Variants in DOCK7 observed in about 807,000 individuals in gnomAD.
DOCK7 encodes dedicator of cytokinesis 7.
Under a neutral mutation model 271.0 loss-of-function variants are expected in DOCK7, and 138 were observed. The ratio of observed to expected loss-of-function variants is 0.51; its 90% CI spans 0.44 to 0.59. The LOEUF is 0.59. Among genes scored for constraint, DOCK7 ranks in the 20% least tolerant of loss-of-function variants. The pLI is 0.00. For missense variants in DOCK7, 2,066 were observed against 2,592.4 expected (o/e 0.80, Z 4.41); for synonymous variants, 823 against 876.1 (o/e 0.94, Z 1.07).
intron 1 of DOCK7, among the ~76,000 whole-genome samples, chr1:62,679,228 T>G (rs1660850903): frequency 6.6e-6 from 1 of 152,018 alleles, no homozygotes; most frequent in South Asian, 2.1e-4. Context: ...CTCAGGGTAA[T>G]AAAATATTTC....
At chr1:62,682,214 G>A (rs1661250702) in intron 1 of DOCK7, among the ~76,000 whole-genome samples, 1 of 152,296 alleles carries the variant, frequency 6.6e-6, no homozygotes, top group African/African-American at 2.4e-5. Context: ...CAAGGGTTTG[G>A]CTTTAACACT....
At chr1:62,519,946 CCA>C (rs921055148) in intron 31 of DOCK7, among the ~76,000 whole-genome samples, 29 of 152,208 alleles carry the variant, frequency 1.9e-4, no homozygotes, top group African/African-American at 6.5e-4. Context: ...AGAAATAACA[CCA>C]CACATCTACA....
chr1:62,553,313 TATATATA>T lies in DOCK7; in HGVS notation c.2597-419_2597-413del, dbSNP rs1449540372. Among the ~76,000 whole-genome samples, 3 of 50,666 alleles carry T rather than the reference TATATATA, an allele frequency of 5.9e-5. No homozygotes were observed. In the Admixed American group the frequency reaches 8.6e-4, roughly 14 times the overall value. 33.2% of individuals were successfully genotyped at this position (50,666 alleles called of 152,430 possible). On this transcript the variant is annotated intron_variant, in intron 21 of 49. Transcript: ENST00000635253. Reference sequence around the variant, plus strand: ...AGGGTCTTCTAAATAAAAAGTATTTTATATATATATATATATATATATATATATATAT... The same window carrying T: ...AGGGTCTTCTAAATAAAAAGTATTTTTATATATATATATATATATATATAT...
At position 62,634,902 on chromosome 1, in the gene DOCK7, A is replaced by T; in HGVS notation, c.906T>A (p.Phe302Leu). The T allele has an allele frequency of 6.2e-7, 1 of 1,601,686 alleles. No homozygotes were observed. Among genetic ancestry groups the T allele is most frequent in the Non-Finnish European group, 8.5e-7 (1 of 1,173,646 alleles). ...EKKKISENFYFDLNSEQMKGL... is the reference protein window; with the variant it reads ...EKKKISENFYLDLNSEQMKGL... Reference sequence around the variant, plus strand: ...CTTTCATCTGCTCAGAATTAAGGTCAAAATAAAAGTTTTCTGAAATCTAAA... The same window carrying T: ...CTTTCATCTGCTCAGAATTAAGGTCTAAATAAAAGTTTTCTGAAATCTAAA... The change falls in exon 9 of 50, where the codon TTT (phenylalanine) becomes TTA (leucine). Residue 302 changes from phenylalanine (F) to leucine (L), a missense_variant. This residue lies in a region of DOCK7 where 1,414 missense variants were observed against 1,670.4 expected (regional missense o/e 0.85). Transcript: ENST00000635253.
intron 20 of DOCK7, 93 bp from the exon 21 acceptor site, chr1:62,556,082 T>C (rs1646133096): frequency 8.0e-7 from 1 of 1,253,392 alleles, no homozygotes; most frequent in East Asian, 2.3e-5. Flanking sequence ...TTGCATACTT[T>C]AAGTATAGTG....
At chr1:62,643,985 A>G (rs536151422) in intron 7 of DOCK7, among the ~76,000 whole-genome samples, 1 of 151,914 alleles carries the variant, frequency 6.6e-6, no homozygotes, top group South Asian at 2.1e-4. Context: ...TTCCTTTATA[A>G]TATTTTAAAA....
At chr1:62,581,060 C>A (rs909345694) in intron 16 of DOCK7, among the ~76,000 whole-genome samples, 5 of 152,022 alleles carry the variant, frequency 3.3e-5, no homozygotes, top group African/African-American at 1.2e-4. Context: ...AAAATATATA[C>A]CATCCAGTCC....
intron 1 of DOCK7, among the ~76,000 whole-genome samples, chr1:62,672,105 C>G (rs1660084645): frequency 6.6e-6 from 1 of 151,602 alleles, no homozygotes. Flanking sequence ...CATCTCCAAT[C>G]CCCAATCCCC....
At chr1:62,590,045 C>G (rs1490396618) in intron 14 of DOCK7, among the ~76,000 whole-genome samples, 2 of 151,818 alleles carry the variant, frequency 1.3e-5, no homozygotes, top group Non-Finnish European at 2.9e-5. Context: ...CACCAGAGTA[C>G]AATGACATGG....
At chr1:62,591,517 A>G (rs1053697610) in intron 14 of DOCK7, among the ~76,000 whole-genome samples, 3 of 152,152 alleles carry the variant, frequency 2.0e-5, no homozygotes, top group Non-Finnish European at 4.4e-5. Flanking sequence ...ATTAATCTAC[A>G]TTAAAAAATA....
In DOCK7 at chr1:62,625,352, T is replaced by C; in HGVS notation, c.1332A>G (p.Arg444=). 1 of 1,613,662 alleles carries C rather than the reference T, an allele frequency of 6.2e-7. No homozygotes were observed. Among genetic ancestry groups the C allele is most frequent in the Non-Finnish European group, 8.5e-7 (1 of 1,179,714 alleles). The change falls in exon 12 of 50, where the codon AGA becomes AGG. Residue 444 remains arginine (R), a synonymous_variant. Coordinates refer to ENST00000635253, the MANE Select transcript of DOCK7 (RefSeq NM_001367561.1). ...SERRNSSIVG[R]RSLERTTSGD... ...CACTTGTTGTCCTTTCAAGTGATCG[T>C]CTGCCAACAATACTAGAATTCCTCC...
intron 14 of DOCK7, among the ~76,000 whole-genome samples, chr1:62,589,365 C>T (rs1276293667): frequency 2.6e-5 from 4 of 152,054 alleles, no homozygotes; most frequent in Non-Finnish European, 5.9e-5. Flanking sequence ...GGATGATTAA[C>T]TTGTCCCATC....
intron 22 of DOCK7, among the ~76,000 whole-genome samples, chr1:62,546,350 C>T (rs1053841871): frequency 4.6e-5 from 7 of 152,038 alleles, no homozygotes; most frequent in Admixed American, 1.3e-4. Flanking sequence ...ATATTTCCTC[C>T]ACCTTTTTTC....
chr1:62,646,377 T>C (rs140475421), intron 7 of DOCK7, among the ~76,000 whole-genome samples: 1 of 152,210 alleles, frequency 6.6e-6, no homozygotes, highest in East Asian at 1.9e-4. Context: ...ACAGGTATTG[T>C]TATGGTATGA....
At chr1:62,612,928 C>G (rs968670696) in intron 14 of DOCK7, among the ~76,000 whole-genome samples, 5 of 152,186 alleles carry the variant, frequency 3.3e-5, no homozygotes, top group Non-Finnish European at 5.9e-5. Context: ...CTCTAACAAT[C>G]CTGCCAAGAA....
At chr1:62,525,028 T>C (rs1644965495) in intron 31 of DOCK7, among the ~76,000 whole-genome samples, 1 of 149,212 alleles carries the variant, frequency 6.7e-6, no homozygotes, top group South Asian at 2.1e-4. Flanking sequence ...TTTTTTGAGA[T>C]AGAGTCTTGC....
chr1:62,492,648 T>C (rs1646500155), intron 41 of DOCK7, 56 bp downstream of exon 41: 4 of 1,598,166 alleles, frequency 2.5e-6, no homozygotes, highest in South Asian at 2.2e-5. Flanking sequence ...AATACACATG[T>C]CATTGATAAT....
intron 18 of DOCK7, among the ~76,000 whole-genome samples, chr1:62,564,853 A>G (rs1252550133): frequency 6.6e-6 from 1 of 152,172 alleles, no homozygotes; most frequent in Non-Finnish European, 1.5e-5. Context: ...GCAATAAAAA[A>G]CGATAAAGGG....
chr1:62,671,079 C>T (rs1659946012), intron 1 of DOCK7, among the ~76,000 whole-genome samples: 1 of 152,092 alleles, frequency 6.6e-6, no homozygotes, highest in Non-Finnish European at 1.5e-5. Context: ...TCTGCAGCTT[C>T]ACTCCTGAGC....
Sources: gnomAD v4.1 joint callset for allele counts (sites outside exome capture counted in the v4.1 genomes callset) on GRCh38, gnomAD v4.1.1 for gene constraint, gnomAD v4.1.1 regional missense constraint, MANE v1.5 for transcripts, NCBI Gene and HGNC (gene_info 2026-07-23, HGNC 2026-07-21) for gene names.